PPP1R12B: variants seen among roughly 807,000 people sequenced by gnomAD.
PPP1R12B encodes protein phosphatase 1 regulatory subunit 12B, also known as myosin phosphatase target subunit 2.
PPP1R12B carries 76 observed loss-of-function variants against 126.1 expected under a neutral mutation model. The observed-to-expected ratio is 0.60, with a 90% CI of 0.50 to 0.73. The LOEUF (loss-of-function observed/expected upper bound fraction) is 0.73. Among genes scored for constraint, PPP1R12B ranks in the 30% least tolerant of loss-of-function variants. The pLI is 0.00. For synonymous variants in PPP1R12B, 356 were observed against 434.7 expected (o/e 0.82, Z 2.25); for missense variants, 1,052 against 1,205.1 (o/e 0.87, Z 1.88).
intron 13 of PPP1R12B, among the ~76,000 whole-genome samples, chr1:202,455,875 A>G (rs977592897): frequency 7.2e-5 from 11 of 152,224 alleles, no homozygotes; most frequent in African/African-American, 2.4e-4. Context: ...ATACACAAGA[A>G]TGGGTGTGAG....
intron 10 of PPP1R12B, chr1:202,439,699 G>A (rs1671359208): frequency 1.6e-6 from 1 of 611,478 alleles, no homozygotes; most frequent in Non-Finnish European, 2.9e-6. Context: ...GCAAGGACTG[G>A]GGGTTGTGCA....
rs960164677 is a variant in PPP1R12B, at chr1:202,451,764, C to T, written c.1850+2593C>T. 5.3e-5 allele frequency among the ~76,000 whole-genome samples: 8 copies of T among 149,720 alleles called. 1 individual carries two copies. The highest frequency in any genetic ancestry group is 4.2e-4 in the South Asian group (2 of 4,712). On this transcript the variant is annotated intron_variant, in intron 13 of 23. Coordinates refer to ENST00000608999, the MANE Select transcript of PPP1R12B (RefSeq NM_002481.4). Reference sequence around the variant, plus strand: ...AGGGGCGGCCGGGCAGAGGTGCCCCCGACCTCCCGGACGGGGCGGCTGGCA... The same window carrying T: ...AGGGGCGGCCGGGCAGAGGTGCCCCTGACCTCCCGGACGGGGCGGCTGGCA...
intron 13 of PPP1R12B, among the ~76,000 whole-genome samples, chr1:202,452,770 A>G (rs1673168280): frequency 6.6e-6 from 1 of 151,338 alleles, no homozygotes; most frequent in Admixed American, 6.6e-5. Flanking sequence ...ATATAAGATT[A>G]TCTATCTGCA....
In PPP1R12B at chr1:202,558,950, G is replaced by T. The variant is rs2362285; in HGVS notation, c.2507+57G>T. On this transcript the variant is annotated intron_variant, in intron 19 of 23. Transcript: ENST00000608999. The stretch of plus-strand genomic sequence containing the variant: ...TAATACTTGTGAGTGAATGCATGTC[G>T]AATTAAACTTAGCTTTATATAATAA... The T allele has an allele frequency of 2.2e-5, 32 of 1,486,284 alleles. No individual in the cohort carries two copies. The African/African-American group carries it at 4.5e-4, about 21-fold the overall frequency. 92.1% of individuals were successfully genotyped at this position (1,486,284 alleles called of 1,614,324 possible).
chr1:202,488,683 A>T, intron 14 of PPP1R12B, 60 bp downstream of exon 14: 1 of 1,360,798 alleles, frequency 7.3e-7, no homozygotes, highest in Non-Finnish European at 1.0e-6. Context: ...TGGAGGTACA[A>T]TCAAAACACA....
intron 3 of PPP1R12B, 142 bp from the exon 4 acceptor site, chr1:202,425,424 C>G: frequency 1.1e-6 from 1 of 902,074 alleles, no homozygotes; most frequent in South Asian, 1.6e-5. Context: ...CATTGATCTT[C>G]TAAATTTGAT....
At chr1:202,417,001 TATAA>T in intron 2 of PPP1R12B, 84 bp downstream of exon 2, 1 of 1,396,648 alleles carries the variant, frequency 7.2e-7, no homozygotes. Flanking sequence ...ATTTGAATTT[TATAA>T]ATAGTTATAA....
chr1:202,468,883 T>C (rs945568241), intron 13 of PPP1R12B, among the ~76,000 whole-genome samples: 11 of 152,046 alleles, frequency 7.2e-5, no homozygotes, highest in Non-Finnish European at 4.4e-5. Context: ...AAGCAGAGGT[T>C]GCAGTGACCA....
chr1:202,522,942 C>T (rs1682926282), intron 18 of PPP1R12B, among the ~76,000 whole-genome samples: 1 of 152,096 alleles, frequency 6.6e-6, no homozygotes, highest in Admixed American at 6.5e-5. Flanking sequence ...ATAGCATATC[C>T]ACAGTCAGTG....
intron 13 of PPP1R12B, chr1:202,462,622 A>AT (rs1319797093): frequency 4.6e-6 from 1 of 215,586 alleles, no homozygotes; most frequent in Non-Finnish European, 7.9e-6. Context: ...CCTTCTGATA[A>AT]AGTGGTTCAT....
At position 202,562,592 on chromosome 1, in the gene PPP1R12B, C is replaced by T. The variant is rs776097630; in HGVS notation, c.2508-186C>T. ...GATGGTCAGCCTCCCTCTCCAAGCT[C>T]GTGCAGTTTAGCCCTGAGGTCTGGG... On this transcript the variant is annotated intron_variant, in intron 19 of 23. Coordinates refer to ENST00000608999, the MANE Select transcript of PPP1R12B (RefSeq NM_002481.4). The T allele has an allele frequency of 1.6e-5, 12 of 773,402 alleles. 1 individual carries two copies. Among genetic ancestry groups the T allele is most frequent in the Middle Eastern group, 2.3e-4 (1 of 4,372 alleles). The allele number at this position is 773,402 out of a possible 1,614,324, so 47.9% of individuals were successfully genotyped here.
chr1:202,401,390 T>G (rs1257051469), intron 1 of PPP1R12B, among the ~76,000 whole-genome samples: 3 of 140,114 alleles, frequency 2.1e-5, no homozygotes, highest in Non-Finnish European at 4.5e-5. Flanking sequence ...TTTTTTTTTT[T>G]GTAGAGATAG....
intron 18 of PPP1R12B, chr1:202,527,348 A>G (rs1370525367): frequency 6.6e-6 from 1 of 152,148 alleles, no homozygotes; most frequent in Non-Finnish European, 1.5e-5. Flanking sequence ...ACATAGAACA[A>G]TTGAGCTGCA....
intron 9 of PPP1R12B, 54 bp downstream of exon 9, chr1:202,434,822 C>T (rs1670597124): frequency 1.2e-6 from 2 of 1,602,042 alleles, no homozygotes. Context: ...TGCAGTAGCA[C>T]ACATCTAGAA....
At chr1:202,395,522 T>C (rs1558173053) in intron 1 of PPP1R12B, among the ~76,000 whole-genome samples, 1 of 152,180 alleles carries the variant, frequency 6.6e-6, no homozygotes, top group Non-Finnish European at 1.5e-5. Context: ...TCATTTTGGG[T>C]GATTTTTCCC....
At chr1:202,542,791 C>T (rs1408116385) in intron 18 of PPP1R12B, among the ~76,000 whole-genome samples, 3 of 152,114 alleles carry the variant, frequency 2.0e-5, no homozygotes, top group Non-Finnish European at 4.4e-5. Flanking sequence ...TGAGTCTTTA[C>T]AGTAAAGATA....
At chr1:202,456,712 G>T (rs1241585418) in intron 13 of PPP1R12B, among the ~76,000 whole-genome samples, 17 of 152,190 alleles carry the variant, frequency 1.1e-4, no homozygotes, top group Admixed American at 9.8e-4. Flanking sequence ...TGACTCACTT[G>T]TGAGAAATTT....
Position 202,583,557 on chromosome 1 carries a change from C to T in PPP1R12B, c.*2997C>T, listed in dbSNP as rs1298006185. ...TTAATTTTATTAACTGATTTCTGGTCTATCTCCAGAGATAAAATACCATTC... is the reference window on the plus strand; with the variant it reads ...TTAATTTTATTAACTGATTTCTGGTTTATCTCCAGAGATAAAATACCATTC... On this transcript the variant is annotated 3_prime_UTR_variant, in exon 24 of 24. Coordinates refer to ENST00000608999, the MANE Select transcript of PPP1R12B (RefSeq NM_002481.4). 6.6e-6 allele frequency: 1 copy of T among 152,210 alleles called. No homozygotes were observed. The highest frequency in any genetic ancestry group is 6.5e-5 in the Admixed American group (1 of 15,276). 9.4% of individuals were successfully genotyped at this position (152,210 alleles called of 1,614,324 possible).
intron 20 of PPP1R12B, among the ~76,000 whole-genome samples, 161 bp from the exon 21 acceptor site, chr1:202,564,282 G>GA (rs1453079536): frequency 6.6e-6 from 1 of 152,150 alleles, no homozygotes; most frequent in Non-Finnish European, 1.5e-5. Flanking sequence ...GAAAAAGCAA[G>GA]AGACCAGTTG....
Sources: gnomAD v4.1 joint callset for allele counts (sites outside exome capture counted in the v4.1 genomes callset) on GRCh38, gnomAD v4.1.1 for gene constraint, MANE v1.5 for transcripts, NCBI Gene and HGNC (gene_info 2026-07-23, HGNC 2026-07-21) for gene names.